Variants in IFIH1 observed in about 807,000 individuals in gnomAD.
The protein encoded by IFIH1 is interferon-induced helicase C domain-containing protein 1.
IFIH1 carries 125 observed loss-of-function variants against 107.4 expected under a neutral mutation model. The observed-to-expected ratio is 1.16, with a 90% CI of 1.01 to 1.35. The LOEUF is 1.35. Ranked by LOEUF, IFIH1 falls within the 40% of genes most tolerant of loss-of-function variation. IFIH1 has a pLI of 0.00. For missense variants in IFIH1, 1,333 were observed against 1,213.7 expected, an observed-to-expected ratio of 1.10 and a Z score of -1.46; for synonymous variants, 458 against 413.2, an observed-to-expected ratio of 1.11 and a Z score of -1.31.
At chr2:162,275,366 T>G (rs1239755409) in intron 11 of IFIH1, among the ~76,000 whole-genome samples, 3 of 152,122 alleles carry the variant, frequency 2.0e-5, no homozygotes, top group African/African-American at 7.2e-5. Context: ...AATAGAAATT[T>G]AAAAACAGAA....
At position 162,282,516 on chromosome 2, in the gene IFIH1, G is replaced by C. The variant is rs759212820; in HGVS notation, c.1156C>G (p.Arg386Gly). The part of the protein sequence containing the change: ...EFQPFLKKWY[R>G]VIGLSGDTQL... Reference sequence around the variant, plus strand: ...GTATCACCACTTAATCCAATAACACGATACCATTTCTTCAAAAATGGTTGG... The same window carrying C: ...GTATCACCACTTAATCCAATAACACCATACCATTTCTTCAAAAATGGTTGG... Residue 386 changes from arginine (R) to glycine (G), a missense_variant, in exon 6 of 16, where the codon CGT becomes GGT. Arg to Gly is a moderately radical substitution (Grantham distance 125). Transcript: ENST00000649979. 3.1e-6 allele frequency: 5 copies of C among 1,611,512 alleles called. No individual in the cohort carries two copies. The highest frequency in any genetic ancestry group is 2.2e-5 in the East Asian group (1 of 44,752).
rs146721166 is a variant in IFIH1 at position 162,317,872 on chromosome 2, T to C, written c.436A>G (p.Ile146Val). 335 of 1,586,202 alleles carry C rather than the reference T, an allele frequency of 2.1e-4. 2 individuals carry two copies. In the African/African-American group the frequency reaches 4.1e-3, roughly 20 times the overall value. The change falls in exon 1 of 16, where the codon ATT (isoleucine) becomes GTT (valine). Residue 146 changes from isoleucine (I) to valine (V), a missense_variant. Ile to Val is a conservative substitution (Grantham distance 29). Coordinates refer to ENST00000649979, the MANE Select transcript of IFIH1 (RefSeq NM_022168.4). Reference sequence around the variant, plus strand: ...ACACCTACCCGGTTTCTGTCTTCAATTGTCAACAGTTCCTCCTCCATGCAC... The same window carrying C: ...ACACCTACCCGGTTTCTGTCTTCAACTGTCAACAGTTCCTCCTCCATGCAC... Reference protein sequence around the residue: ...DKCMEEELLTIEDRNRIAAAE... With the variant: ...DKCMEEELLTVEDRNRIAAAE...
At position 162,273,852 on chromosome 2, in the gene IFIH1, T is replaced by C. The variant is rs1246805569; in HGVS notation, c.2397A>G (p.Lys799=). Residue 799 remains lysine, a synonymous_variant, in exon 12 of 16, where the codon AAA becomes AAG. Transcript: ENST00000649979. ...CATAACGGATAACAATGTTACATTC[T>C]TTAATATCCAGACCTTCTTCTGCCA... ...TTVAEEGLDI[K]ECNIVIRYGL... 1 of 1,611,536 alleles carries C rather than the reference T, an allele frequency of 6.2e-7. No homozygotes were observed. Among genetic ancestry groups the C allele is most frequent in the Non-Finnish European group, 8.5e-7 (1 of 1,178,418 alleles).
In IFIH1 at chr2:162,318,217, C is replaced by G; in HGVS notation, c.91G>C (p.Val31Leu). Residue 31 changes from valine to leucine, a missense_variant, in exon 1 of 16, where the codon GTG (valine) becomes CTG (leucine). Val to Leu is a conservative substitution (Grantham distance 32, BLOSUM62 1). Transcript: ENST00000649979. ...RVKMYIQVEP[V>L]LDYLTFLPAE... ...GGCAGAAAGGTCAGGTAGTCCAGCA[C>G]AGGCTCCACCTGGATGTACATTTTC... 1 of 1,614,194 alleles carries G rather than the reference C, an allele frequency of 6.2e-7. No individual in the cohort carries two copies. Among genetic ancestry groups the G allele is most frequent in the Non-Finnish European group, 8.5e-7 (1 of 1,180,038 alleles).
At chr2:162,297,756 G>A (rs1683118782) in intron 3 of IFIH1, among the ~76,000 whole-genome samples, 1 of 151,924 alleles carries the variant, frequency 6.6e-6, no homozygotes, top group African/African-American at 2.4e-5. Context: ...AAAGCTATTG[G>A]AATGAATGAA....
chr2:162,283,883 G>A (rs896102577), intron 5 of IFIH1, among the ~76,000 whole-genome samples: 4 of 151,796 alleles, frequency 2.6e-5, no homozygotes, highest in African/African-American at 9.7e-5. Context: ...GAAGCAAAGT[G>A]GACTTAAAAT....
Position 162,276,151 on chromosome 2 carries a change from A to C in IFIH1, c.2304+536T>G, listed in dbSNP as rs141916383. Among the ~76,000 whole-genome samples, 576 of 152,304 alleles carry C rather than the reference A, an allele frequency of 3.8e-3. 7 individuals are homozygous for C. The highest frequency in any genetic ancestry group is 0.013 in the African/African-American group (540 of 41,572). ...TTATGTGGGAAAAATGACTCCTAAA[A>C]CAACACTTAACCTCTCAAAAACCAC... On this transcript the variant is annotated intron_variant, in intron 11 of 15. Transcript: ENST00000649979.
chr2:162,277,302 T>G, intron 10 of IFIH1, 113 bp downstream of exon 10: 1 of 746,652 alleles, frequency 1.3e-6, no homozygotes, highest in Non-Finnish European at 2.2e-6. Flanking sequence ...CCAATCTGAG[T>G]GGGATTTCTT....
chr2:162,306,773 CTTCTCCAGATT>C lies in IFIH1; in HGVS notation c.694_704del (p.Asn232GlyfsTer8), dbSNP rs1683288390. 6.2e-7 allele frequency: 1 copy of C among 1,613,856 alleles called. No homozygotes were observed. The highest frequency in any genetic ancestry group is 8.5e-7 in the Non-Finnish European group (1 of 1,179,898). ...AGTTATTCTCCATGCCCCAGACCTC[CTTCTCCAGATT>C]TGGCTGAACTGTGGTTGAAAGAAGT... On this transcript the variant is annotated frameshift_variant, in exon 3 of 16. Transcript: ENST00000649979. LOFTEE classifies it high-confidence loss of function.
chr2:162,276,645 GA>G (rs1187025571), intron 11 of IFIH1, 41 bp downstream of exon 11: 2 of 1,564,790 alleles, frequency 1.3e-6, no homozygotes, highest in Admixed American at 2.0e-5. Flanking sequence ...AAGAAGAAAA[GA>G]GAAAGAAAAG....
intron 1 of IFIH1, among the ~76,000 whole-genome samples, chr2:162,311,164 C>T (rs570308917): frequency 6.6e-6 from 1 of 152,194 alleles, no homozygotes; most frequent in South Asian, 2.1e-4. Flanking sequence ...ACCAAGTGTC[C>T]TTTTAAATAT....
Position 162,318,476 on chromosome 2 carries a change from G to C in IFIH1, c.-169C>G. On this transcript the variant is annotated 5_prime_UTR_variant, in exon 1 of 16. Transcript: ENST00000649979. The stretch of plus-strand genomic sequence containing the variant: ...CCACAGGGCTCTCAGGCCGGCGCGC[G>C]GGGCTGCACTCGCACCTGGGCAGGT... The C allele has an allele frequency of 1.7e-6, 1 of 590,924 alleles. No homozygotes were observed. The highest frequency in any genetic ancestry group is 2.1e-5 in the South Asian group (1 of 47,078). 36.6% of individuals were successfully genotyped at this position (590,924 alleles called of 1,614,324 possible).
Position 162,306,752 on chromosome 2 carries a change from A to T in IFIH1, c.726T>A (p.Asn242Lys). 1 of 1,613,992 alleles carries T rather than the reference A, an allele frequency of 6.2e-7. No individual in the cohort carries two copies. Among genetic ancestry groups the T allele is most frequent in the East Asian group, 2.2e-5 (1 of 44,836 alleles). Residue 242 changes from asparagine (N) to lysine (K), a missense_variant, in exon 3 of 16, where the codon AAT becomes AAA. Transcript: ENST00000649979. ...CTGCAAAAGATGATTCTGATGAGTTATTCTCCATGCCCCAGACCTCCTTCT... is the reference window on the plus strand; with the variant it reads ...CTGCAAAAGATGATTCTGATGAGTTTTTCTCCATGCCCCAGACCTCCTTCT... ...NLEKEVWGME[N>K]NSSESSFADS...
intron 8 of IFIH1, among the ~76,000 whole-genome samples, chr2:162,279,461 T>A (rs986858682): frequency 2.0e-5 from 3 of 152,100 alleles, no homozygotes; most frequent in Non-Finnish European, 4.4e-5. Flanking sequence ...TGACTCTCAG[T>A]TTATTCTTAT....
intron 4 of IFIH1, among the ~76,000 whole-genome samples, chr2:162,289,400 G>T (rs1196890863): frequency 6.6e-6 from 1 of 151,534 alleles, no homozygotes; most frequent in Non-Finnish European, 1.5e-5. Context: ...ATCAAAAAAT[G>T]CATAGCTTAT....
chr2:162,302,951 G>A (rs540848071), intron 3 of IFIH1, among the ~76,000 whole-genome samples: 2 of 152,188 alleles, frequency 1.3e-5, no homozygotes, highest in South Asian at 2.1e-4. Flanking sequence ...ATGGATCCTC[G>A]GATTACTGTG....
At chr2:162,291,094 C>G (rs986898751) in intron 4 of IFIH1, among the ~76,000 whole-genome samples, 1 of 151,758 alleles carries the variant, frequency 6.6e-6, no homozygotes, top group South Asian at 2.1e-4. Flanking sequence ...TATGCACAAG[C>G]TTTGAATAAC....
intron 13 of IFIH1, among the ~76,000 whole-genome samples, chr2:162,271,934 T>A (rs760493828): frequency 5.9e-5 from 9 of 152,164 alleles, no homozygotes; most frequent in Non-Finnish European, 1.2e-4. Context: ...AAAATTACCA[T>A]GTTGGATTGA....
At chr2:162,314,140 G>A (rs1683428653) in intron 1 of IFIH1, among the ~76,000 whole-genome samples, 1 of 152,130 alleles carries the variant, frequency 6.6e-6, no homozygotes, top group Non-Finnish European at 1.5e-5. Context: ...AAATTGATGG[G>A]TGTGCCAAGT....
Sources: gnomAD v4.1 joint callset for allele counts (sites outside exome capture counted in the v4.1 genomes callset) on GRCh38, gnomAD v4.1.1 for gene constraint, MANE v1.5 for transcripts, NCBI Gene and HGNC (gene_info 2026-07-23, HGNC 2026-07-21) for gene names.